Variants in SERINC5 observed in about 807,000 individuals in gnomAD.
SERINC5 encodes the protein serine incorporator 5, also known as chromosome 5 open reading frame 12.
In SERINC5, 41 loss-of-function variants were observed where a neutral mutation model predicts 63.1. The observed-to-expected ratio is 0.65, with a 90% CI of 0.51 to 0.84. The LOEUF is 0.84. SERINC5 is among the 40% of genes least tolerant of loss of function. SERINC5 has a pLI of 0.00. For missense variants in SERINC5, 523 were observed against 573.0 expected (o/e 0.91, Z 0.89); for synonymous variants, 222 against 215.2 (o/e 1.03, Z -0.28).
intron 6 of SERINC5, among the ~76,000 whole-genome samples, chr5:80,168,413 C>T (rs185474747): frequency 8.3e-4 from 127 of 152,196 alleles, no homozygotes; most frequent in African/African-American, 2.9e-3. Context: ...GTTGGCCAGG[C>T]TAGTCTTGAA....
chr5:80,216,329 C>G (rs1044051428), intron 1 of SERINC5, among the ~76,000 whole-genome samples: 4 of 152,198 alleles, frequency 2.6e-5, no homozygotes, highest in Admixed American at 6.5e-5. Context: ...TCAGAAATGT[C>G]TCCAGACAAT....
intron 1 of SERINC5, among the ~76,000 whole-genome samples, chr5:80,222,553 A>AGTACGTGAGT (rs550308144): frequency 2.6e-4 from 36 of 139,014 alleles, no homozygotes; most frequent in African/African-American, 9.1e-4. Context: ...TTTGTGGGTG[A>AGTACGTGAGT]GTGTGTGAGT....
In SERINC5 at chr5:80,150,952, A is replaced by G; in HGVS notation, c.987-4T>C. ...CGATCTTGTTGTTGATGTCAAACTA[A>G]GAAACAGACAAAAACGTCAGCTGGG... On this transcript the variant is annotated splice_region_variant and splice_polypyrimidine_tract_variant and intron_variant, in intron 8 of 11. Coordinates refer to ENST00000507668, the MANE Select transcript of SERINC5 (RefSeq NM_001174072.3). 6.2e-7 allele frequency: 1 copy of G among 1,611,628 alleles called. No individual in the cohort carries two copies. Among genetic ancestry groups the G allele is most frequent in the Non-Finnish European group, 8.5e-7 (1 of 1,177,698 alleles).
At position 80,142,852 on chromosome 5, in the gene SERINC5, A is replaced by AC. The variant is rs1208728636; in HGVS notation, c.*810_*811insG. 1.4e-5 allele frequency: 14 copies of AC among 985,330 alleles called. No homozygotes were observed. Among genetic ancestry groups the AC allele is most frequent in the South Asian group, 4.7e-5 (1 of 21,294 alleles). The allele number at this position is 985,330 out of a possible 1,614,324, so 61.0% of individuals were successfully genotyped here. On this transcript the variant is annotated 3_prime_UTR_variant, in exon 12 of 12. Coordinates refer to ENST00000507668, the MANE Select transcript of SERINC5 (RefSeq NM_001174072.3). ...TAGCCCTCCATTGCTTAGGCAGAGA[A>AC]AACATGAATCTTGTTCTATAATCAT...
chr5:80,148,639 G>C (rs1745979251), intron 9 of SERINC5, among the ~76,000 whole-genome samples: 1 of 151,626 alleles, frequency 6.6e-6, no homozygotes, highest in African/African-American at 2.4e-5. Flanking sequence ...CTGCACTCCA[G>C]CCTGGGTGAC....
At chr5:80,242,917 C>T (rs1752009934) in intron 1 of SERINC5, among the ~76,000 whole-genome samples, 1 of 152,182 alleles carries the variant, frequency 6.6e-6, no homozygotes, top group African/African-American at 2.4e-5. Flanking sequence ...AGCAAGACTG[C>T]ATCTCAAAAT....
At chr5:80,177,654 G>T (rs1286363014) in intron 3 of SERINC5, among the ~76,000 whole-genome samples, 1 of 152,146 alleles carries the variant, frequency 6.6e-6, no homozygotes, top group Non-Finnish European at 1.5e-5. Context: ...CTTGGAACAA[G>T]AAATAAACTC....
Position 80,141,265 on chromosome 5 carries a change from A to G in SERINC5, c.*2398T>C, listed in dbSNP as rs1745488493. 1 of 985,340 alleles carries G rather than the reference A, an allele frequency of 1.0e-6. No individual in the cohort carries two copies. The highest frequency in any genetic ancestry group is 1.2e-6 in the Non-Finnish European group (1 of 829,954). The allele number at this position is 985,340 out of a possible 1,614,324, so 61.0% of individuals were successfully genotyped here. A position where few individuals can be genotyped will look rare whatever the true frequency, so the allele number is the denominator to read the frequency against. On this transcript the variant is annotated 3_prime_UTR_variant, in exon 12 of 12. Transcript: ENST00000507668. Reference sequence around the variant, plus strand: ...AGACCAACCGGCAGAAGGGAACGGGATGTCACAAACCAGACTCACGCATCT... The same window carrying G: ...AGACCAACCGGCAGAAGGGAACGGGGTGTCACAAACCAGACTCACGCATCT...
chr5:80,229,833 T>C (rs1478557861), intron 1 of SERINC5, among the ~76,000 whole-genome samples: 1 of 152,218 alleles, frequency 6.6e-6, no homozygotes, highest in African/African-American at 2.4e-5. Context: ...TGCTGCCTCA[T>C]ACAAAACAGA....
At chr5:80,231,414 C>A (rs1160427170) in intron 1 of SERINC5, among the ~76,000 whole-genome samples, 2 of 152,174 alleles carry the variant, frequency 1.3e-5, no homozygotes, top group Non-Finnish European at 2.9e-5. Flanking sequence ...AAAATCATTT[C>A]TCATGCCTGT....
At chr5:80,179,594 T>C (rs780534984) in intron 2 of SERINC5, among the ~76,000 whole-genome samples, 1 of 152,194 alleles carries the variant, frequency 6.6e-6, no homozygotes, top group Non-Finnish European at 1.5e-5. Flanking sequence ...ATGGAATTAG[T>C]AGGTCAAGTA....
chr5:80,139,138 A>G lies in SERINC5; in HGVS notation c.*4525T>C. ...CATTTTCAAATTCTAATGTAGCAAA[A>G]CGTAACCACATAATTTGGCTACAGC... On this transcript the variant is annotated 3_prime_UTR_variant, in exon 12 of 12. Transcript: ENST00000507668. 1.0e-6 allele frequency: 1 copy of G among 985,248 alleles called. No homozygotes were observed. Among genetic ancestry groups the G allele is most frequent in the Non-Finnish European group, 1.2e-6 (1 of 829,742 alleles). The allele number at this position is 985,248 out of a possible 1,614,324, so 61.0% of individuals were successfully genotyped here. A position where few individuals can be genotyped will look rare whatever the true frequency, so the allele number is the denominator to read the frequency against.
chr5:80,202,515 T>C (rs1168254030), intron 2 of SERINC5, among the ~76,000 whole-genome samples: 1 of 152,072 alleles, frequency 6.6e-6, no homozygotes, highest in East Asian at 1.9e-4. Flanking sequence ...ACGTGTGTTA[T>C]TCCCGGGATG....
At chr5:80,197,481 G>C (rs1202982212) in intron 2 of SERINC5, among the ~76,000 whole-genome samples, 2 of 152,094 alleles carry the variant, frequency 1.3e-5, no homozygotes, top group Non-Finnish European at 2.9e-5. Context: ...GGGAGCTTGA[G>C]GGGAAGATGG....
chr5:80,126,748 A>C (rs1744762620), intron 11 of SERINC5, among the ~76,000 whole-genome samples: 1 of 152,126 alleles, frequency 6.6e-6, no homozygotes, highest in Admixed American at 6.5e-5. Context: ...TTTTCATCAA[A>C]ATTTTTGCTT....
At position 80,138,857 on chromosome 5, in the gene SERINC5, ATAT is replaced by A. The variant is rs1226367719; in HGVS notation, c.*4803_*4805del. On this transcript the variant is annotated 3_prime_UTR_variant, in exon 12 of 12. Transcript: ENST00000507668. ...AACAACTAACTTGAGTACTTTAATT[ATAT>A]ATGTATCTAGCAGAAGAGAAAAAAA... 8.4e-5 allele frequency: 82 copies of A among 978,396 alleles called. 1 individual carries two copies. The highest frequency in any genetic ancestry group is 1.6e-5 in the Non-Finnish European group (13 of 823,612). The allele number at this position is 978,396 out of a possible 1,614,324, so 60.6% of individuals were successfully genotyped here.
chr5:80,244,296 A>G (rs577007000), intron 1 of SERINC5, among the ~76,000 whole-genome samples: 1 of 150,872 alleles, frequency 6.6e-6, no homozygotes, highest in South Asian at 2.1e-4. Context: ...GCTCACTGCA[A>G]CCTCTGCCTC....
intron 11 of SERINC5, among the ~76,000 whole-genome samples, chr5:80,123,724 C>T (rs1270705224): frequency 2.0e-5 from 3 of 152,206 alleles, no homozygotes. Context: ...TGCTCACCTT[C>T]ACTCTCCCAG....
At chr5:80,156,501 C>T (rs978124468) in intron 8 of SERINC5, among the ~76,000 whole-genome samples, 3 of 152,204 alleles carry the variant, frequency 2.0e-5, no homozygotes, top group African/African-American at 7.2e-5. Flanking sequence ...GCCCAGCCCA[C>T]AGAGTGTGCT....
Sources: allele counts gnomAD v4.1 joint callset (sites outside exome capture counted in the v4.1 genomes callset), GRCh38; gene constraint gnomAD v4.1.1; transcripts MANE v1.5; gene names NCBI Gene and HGNC (gene_info 2026-07-23, HGNC 2026-07-21).